IAH1: variants seen among roughly 807,000 people sequenced by gnomAD.
IAH1 encodes isoamyl acetate-hydrolyzing esterase 1 homolog.
IAH1 carries 24 observed loss-of-function variants against 26.7 expected under a neutral mutation model. That is an observed-to-expected ratio of 0.90 (90% CI 0.65 to 1.26). The LOEUF (loss-of-function observed/expected upper bound fraction) is 1.26. IAH1 is among the 50% of genes most tolerant of loss of function. The pLI, the probability that IAH1 is intolerant of heterozygous loss-of-function variation, is 0.00. For missense variants in IAH1, 300 were observed against 299.9 expected (o/e 1.00, Z 0.00); for synonymous variants, 140 against 118.5 (o/e 1.18, Z -1.18).
rs764314066 is a variant in IAH1 at position 9,478,215 on chromosome 2, G to A, written c.135-7G>A. The A allele has an allele frequency of 1.8e-5, 28 of 1,586,276 alleles. No homozygotes were observed. Among genetic ancestry groups the A allele is most frequent in the East Asian group, 9.0e-5 (4 of 44,258 alleles). On this transcript the variant is annotated splice_polypyrimidine_tract_variant and splice_region_variant and intron_variant, in intron 2 of 5. Coordinates refer to ENST00000497473, the MANE Select transcript of IAH1 (RefSeq NM_001039613.3). ...ACAATTCATCTTTTTAAAATTTTTC[G>A]TTTCAGAAAATGTGATGTTCTGAAT... is the stretch of plus-strand genomic sequence containing the variant.
chr2:9,507,968 T>C, the IAH1 span, among the ~76,000 whole-genome samples: 2 of 152,186 alleles, frequency 1.3e-5, no homozygotes, highest in Non-Finnish European at 2.9e-5. Context: ...CACCTCGGCC[T>C]CTCAAAGTGC....
downstream of IAH1, chr2:9,491,091 G>T: frequency 3.7e-6 from 6 of 1,610,818 alleles, no homozygotes; most frequent in Non-Finnish European, 5.1e-6. Context: ...CTTTCATATG[G>T]TATACTTACA....
At chr2:9,483,214 G>A (rs1661284572) in intron 4 of IAH1, among the ~76,000 whole-genome samples, 1 of 152,104 alleles carries the variant, frequency 6.6e-6, no homozygotes, top group South Asian at 2.1e-4. Context: ...GTAGAGGAGG[G>A]GTCACATCTC....
downstream of IAH1, among the ~76,000 whole-genome samples, chr2:9,494,170 C>A (rs1662378352): frequency 6.6e-6 from 1 of 152,160 alleles, no homozygotes; most frequent in African/African-American, 2.4e-5. Flanking sequence ...CCTCGTAAAT[C>A]TTAAAACCCT....
chr2:9,502,168 C>T, the IAH1 span: 5 of 1,612,652 alleles, frequency 3.1e-6, no homozygotes, highest in Non-Finnish European at 4.2e-6. Context: ...AACAAGAACA[C>T]GAACCTGTGC....
At chr2:9,476,885 C>A (rs562299918) in intron 2 of IAH1, among the ~76,000 whole-genome samples, 3 of 152,238 alleles carry the variant, frequency 2.0e-5, no homozygotes, top group Middle Eastern at 3.4e-3. Context: ...CAGGTTATGA[C>A]GGCTTAGCTT....
chr2:9,511,229 G>T, the IAH1 span, among the ~76,000 whole-genome samples: 1 of 151,784 alleles, frequency 6.6e-6, no homozygotes, highest in African/African-American at 2.4e-5. Context: ...TGGGTTGATC[G>T]CCTGAGGTCA....
chr2:9,497,959 T>C (rs978308553), downstream of IAH1, among the ~76,000 whole-genome samples: 2 of 152,204 alleles, frequency 1.3e-5, no homozygotes, highest in Non-Finnish European at 2.9e-5. Context: ...AATGATCAAA[T>C]CTATTAAGTT....
chr2:9,502,028 A>T, the IAH1 span: 2 of 707,802 alleles, frequency 2.8e-6, no homozygotes, highest in Non-Finnish European at 4.8e-6. Context: ...GCCAAGTGTC[A>T]CAAACTAAGG....
intron 6 of IAH1, among the ~76,000 whole-genome samples, chr2:9,495,645 C>T (rs1326153137): frequency 1.1e-4 from 16 of 149,898 alleles, no homozygotes; most frequent in African/African-American, 2.0e-4. Context: ...ACCCGGGAGG[C>T]GGAGGCTGCG....
chr2:9,474,554 G>GC lies in IAH1; in HGVS notation c.-10dup. The stretch of plus-strand genomic sequence containing the variant: ...GTGGCTGGCGGCCCCGCCCCGCCCC[G>GC]CCCGGCTGCTCCATGGCGCTGTGCG... On this transcript the variant is annotated 5_prime_UTR_variant, in exon 1 of 6. Coordinates refer to ENST00000497473, the MANE Select transcript of IAH1 (RefSeq NM_001039613.3). This position sits in a 1 kb window ranked among gnomAD's most constrained non-coding sequence, Gnocchi z 4.3. 1.8e-5 allele frequency: 18 copies of GC among 1,008,616 alleles called. No individual in the cohort carries two copies. Among genetic ancestry groups the GC allele is most frequent in the Non-Finnish European group, 2.3e-5 (16 of 704,700 alleles). The allele number at this position is 1,008,616 out of a possible 1,614,324, so 62.5% of individuals were successfully genotyped here. A position where few individuals can be genotyped will look rare whatever the true frequency, so the allele number is the denominator to read the frequency against.
In IAH1 at chr2:9,476,753, A is replaced by G. The variant is rs145684187; in HGVS notation, c.134+714A>G. Among the ~76,000 whole-genome samples, 329 of 152,326 alleles carry G rather than the reference A, an allele frequency of 2.2e-3. 1 individual carries two copies. Among genetic ancestry groups the G allele is most frequent in the African/African-American group, 7.7e-3 (319 of 41,576 alleles). The stretch of plus-strand genomic sequence containing the variant: ...ATGCCACAAGGTCGATTGATTAGTT[A>G]GGGTGGGGCAGGAACAAATCACAAT... On this transcript the variant is annotated intron_variant, in intron 2 of 5. Coordinates refer to ENST00000497473, the MANE Select transcript of IAH1 (RefSeq NM_001039613.3).
At chr2:9,484,236 C>A (rs1346454020) in intron 4 of IAH1, among the ~76,000 whole-genome samples, 196 bp from the exon 5 acceptor site, 1 of 152,220 alleles carries the variant, frequency 6.6e-6, no homozygotes, top group Non-Finnish European at 1.5e-5. Context: ...CCCACTGCAC[C>A]TTGTCCTCTG....
At chr2:9,492,132 GTCA>G (rs997235558), downstream of IAH1, among the ~76,000 whole-genome samples, 3 of 152,206 alleles carry the variant, frequency 2.0e-5, no homozygotes, top group Non-Finnish European at 4.4e-5. Flanking sequence ...AAACTCCTTT[GTCA>G]TCAGAGTTGT....
chr2:9,510,140 T>A, the IAH1 span: 82 of 1,613,838 alleles, frequency 5.1e-5, no homozygotes, highest in Non-Finnish European at 6.0e-5. Context: ...TCCTTAAGGA[T>A]CATGCAAAGA....
chr2:9,478,141 C>T, intron 2 of IAH1, 81 bp from the exon 3 acceptor site: 2 of 1,289,960 alleles, frequency 1.6e-6, no homozygotes, highest in Admixed American at 2.5e-5. Context: ...TCCCAGAGAG[C>T]ACACCCTCAC....
intron 6 of IAH1, among the ~76,000 whole-genome samples, chr2:9,495,305 G>A (rs764765125): frequency 8.9e-4 from 135 of 152,234 alleles, no homozygotes; most frequent in Non-Finnish European, 1.6e-3. Flanking sequence ...ATAAAACACC[G>A]GGCATCTGTG....
chr2:9,505,720 C>T, the IAH1 span: 12 of 263,486 alleles, frequency 4.6e-5, no homozygotes, highest in Admixed American at 1.9e-4. Flanking sequence ...TTGAAATCTC[C>T]TCACCTCAGG....
At chr2:9,490,457 G>T, downstream of IAH1, 1 of 1,614,028 alleles carries the variant, frequency 6.2e-7, no homozygotes, top group African/African-American at 1.3e-5. Context: ...AGTCTGGGGC[G>T]CAGGAAAGGG....
Sources: gnomAD v4.1 joint callset for allele counts (sites outside exome capture counted in the v4.1 genomes callset) on GRCh38, gnomAD v4.1.1 for gene constraint, Gnocchi (gnomAD v3.1) non-coding constraint, MANE v1.5 for transcripts, NCBI Gene and HGNC (gene_info 2026-07-23, HGNC 2026-07-21) for gene names.